The following RPS6KC1 variants were observed in gnomAD, a reference collection of about 807,000 sequenced individuals.
The protein encoded by RPS6KC1 is inactive ribosomal protein S6 kinase delta-1.
A neutral mutation model predicts 103.8 loss-of-function variants in RPS6KC1; 54 were observed. That is an observed-to-expected ratio of 0.52 (90% CI 0.42 to 0.65). The LOEUF (loss-of-function observed/expected upper bound fraction) is 0.65. Among genes scored for constraint, RPS6KC1 ranks in the 30% least tolerant of loss-of-function variants. The pLI, the probability that RPS6KC1 is intolerant of heterozygous loss-of-function variation, is 0.00. For synonymous variants in RPS6KC1, 439 were observed against 438.7 expected, an observed-to-expected ratio of 1.00 and a Z score of -0.01; for missense variants, 1,151 against 1,253.8, an observed-to-expected ratio of 0.92 and a Z score of 1.24.
At chr1:213,518,889 A>G in the RPS6KC1 span, among the ~76,000 whole-genome samples, 128,488 of 152,162 alleles carry the variant, frequency 0.84, 54,475 homozygotes, top group East Asian at 0.99. Context: ...ATTTAGGAAA[A>G]GATGATTGTA....
At chr1:213,064,958 A>G (rs1365521135) in intron 1 of RPS6KC1, among the ~76,000 whole-genome samples, 2 of 136,234 alleles carry the variant, frequency 1.5e-5, no homozygotes, top group Non-Finnish European at 3.1e-5. Flanking sequence ...TACAGGCGTG[A>G]GCCACCGTGC....
chr1:213,424,100 C>T, the RPS6KC1 span, among the ~76,000 whole-genome samples: 1 of 152,142 alleles, frequency 6.6e-6, no homozygotes. Context: ...GATTTAACAG[C>T]TCTGTTAAAT....
intron 3 of RPS6KC1, among the ~76,000 whole-genome samples, chr1:213,083,259 G>A (rs961274817): frequency 4.6e-5 from 7 of 152,202 alleles, no homozygotes; most frequent in Non-Finnish European, 4.4e-5. Flanking sequence ...AAGGAGGTAT[G>A]ACTCAGAGGG....
At chr1:213,180,070 T>C in intron 8 of RPS6KC1, among the ~76,000 whole-genome samples, 1 of 152,210 alleles carries the variant, frequency 6.6e-6, no homozygotes, top group East Asian at 1.9e-4. Flanking sequence ...CTTTCTGTTC[T>C]TCAATTGGGA....
At chr1:213,799,327 C>T in the RPS6KC1 span, among the ~76,000 whole-genome samples, 115 of 152,144 alleles carry the variant, frequency 7.6e-4, 1 homozygote, top group Middle Eastern at 3.4e-3. Context: ...AATGTGTTTT[C>T]GGGGACAAGC....
the RPS6KC1 span, among the ~76,000 whole-genome samples, chr1:213,696,860 A>G: frequency 8.0e-4 from 122 of 152,290 alleles, 1 homozygote; most frequent in Admixed American, 2.1e-3. Flanking sequence ...AGCATGCTCT[A>G]ATTGAGTTCA....
intron 3 of RPS6KC1, among the ~76,000 whole-genome samples, chr1:213,083,271 G>A (rs2080072500): frequency 6.6e-6 from 1 of 152,176 alleles, no homozygotes; most frequent in African/African-American, 2.4e-5. Flanking sequence ...CTCAGAGGGT[G>A]GAACCAGTAG....
chr1:213,676,430 G>T, the RPS6KC1 span, among the ~76,000 whole-genome samples: 2 of 152,210 alleles, frequency 1.3e-5, no homozygotes, highest in African/African-American at 4.8e-5. Context: ...GAGGAATGGA[G>T]AAAAAAGAAA....
chr1:213,760,926 G>A, the RPS6KC1 span, among the ~76,000 whole-genome samples: 5 of 137,790 alleles, frequency 3.6e-5, no homozygotes, highest in South Asian at 2.5e-4. Context: ...GATGATCATC[G>A]CATTTGGGGG....
At chr1:213,299,111 A>C in the RPS6KC1 span, among the ~76,000 whole-genome samples, 1 of 152,214 alleles carries the variant, frequency 6.6e-6, no homozygotes, top group Non-Finnish European at 1.5e-5. Flanking sequence ...TGGGAATCAG[A>C]CTTCTAATCT....
the RPS6KC1 span, among the ~76,000 whole-genome samples, chr1:213,688,913 T>G: frequency 6.6e-6 from 1 of 152,198 alleles, no homozygotes. Flanking sequence ...GCTGGGGATT[T>G]CCCCAGGACT....
In RPS6KC1 at chr1:213,267,158, G is replaced by A. The variant is rs192492473; in HGVS notation, c.3090+4342G>A. Among the ~76,000 whole-genome samples, 298 of 151,974 alleles carry A rather than the reference G, an allele frequency of 2.0e-3. 1 individual carries two copies. The highest frequency in any genetic ancestry group is 6.8e-3 in the African/African-American group (283 of 41,506). ...GATGTGGTTTTGTGGCCTAAACTTT[G>A]AATGTGTTCTGCTATGCGTTGGCAG... On this transcript the variant is annotated intron_variant, in intron 14 of 14. Transcript: ENST00000366960.
At chr1:213,772,664 A>G in the RPS6KC1 span, among the ~76,000 whole-genome samples, 1 of 144,752 alleles carries the variant, frequency 6.9e-6, no homozygotes, top group Non-Finnish European at 1.5e-5. Flanking sequence ...GGCAGGGAGA[A>G]CGGTTGGGCA....
At chr1:213,205,476 T>A in intron 8 of RPS6KC1, 1 of 549,168 alleles carries the variant, frequency 1.8e-6, no homozygotes. Flanking sequence ...ACCAAGAACC[T>A]AAGGAATAGT....
chr1:213,138,919 G>A (rs1174205828), intron 6 of RPS6KC1, among the ~76,000 whole-genome samples: 1 of 152,162 alleles, frequency 6.6e-6, no homozygotes, highest in Non-Finnish European at 1.5e-5. Flanking sequence ...AGTTCTTTGA[G>A]GAATCTCCAG....
chr1:213,564,784 T>C, the RPS6KC1 span, among the ~76,000 whole-genome samples: 1 of 152,250 alleles, frequency 6.6e-6, no homozygotes, highest in Non-Finnish European at 1.5e-5. Context: ...CTATACCTTA[T>C]GGTTTGCTTT....
rs375756109 is a variant in RPS6KC1, at chr1:213,129,608, A to G, written c.554A>G (p.Asn185Ser). 3.1e-6 allele frequency: 5 copies of G among 1,614,036 alleles called. No homozygotes were observed. The African/African-American group carries it at 4.0e-5, about 13-fold the overall frequency. Residue 185 changes from asparagine (N) to serine (S), a missense_variant, in exon 6 of 15, where the codon AAT becomes AGT. Physicochemically the swap from Asn to Ser is conservative, Grantham distance 46 (BLOSUM62 1). Around this residue, in one of 3 missense-constraint regions of RPS6KC1, gnomAD observed 959 missense variants for 1,006.3 expected, o/e 0.95. Transcript: ENST00000366960. ...LAELDDGMASNQNSPIRTFGL... is the reference protein window; with the variant it reads ...LAELDDGMASSQNSPIRTFGL... ...GAGTTAGATGATGGAATGGCTTCCA[A>G]TCAAAATTCTCCCATTAGAACTTTT... is the stretch of plus-strand genomic sequence containing the variant.
At chr1:213,120,333 A>C (rs1454971570) in intron 5 of RPS6KC1, among the ~76,000 whole-genome samples, 1 of 152,192 alleles carries the variant, frequency 6.6e-6, no homozygotes, top group Non-Finnish European at 1.5e-5. Flanking sequence ...AATCCTGCTG[A>C]AAGATATTAG....
chr1:213,602,096 C>A, the RPS6KC1 span, among the ~76,000 whole-genome samples: 1 of 31,994 alleles, frequency 3.1e-5, no homozygotes, highest in Non-Finnish European at 5.2e-5. Context: ...TTCTTTCTTT[C>A]TTTCTTTCTT....
Sources: gnomAD v4.1 joint callset for allele counts (sites outside exome capture counted in the v4.1 genomes callset) on GRCh38, gnomAD v4.1.1 for gene constraint, gnomAD v4.1.1 regional missense constraint, MANE v1.5 for transcripts, NCBI Gene and HGNC (gene_info 2026-07-23, HGNC 2026-07-21) for gene names.